The following TRPM3 variants were observed in gnomAD, a reference collection of about 807,000 sequenced individuals.
TRPM3 encodes the protein transient receptor potential cation channel subfamily M member 3.
A neutral mutation model predicts 181.2 loss-of-function variants in TRPM3; 77 were observed. The ratio of observed to expected loss-of-function variants is 0.42; its 90% CI spans 0.35 to 0.51. TRPM3 has a LOEUF of 0.51. Ranked by LOEUF, TRPM3 falls within the 20% of genes least tolerant of loss-of-function variation. The pLI, the probability that TRPM3 is intolerant of heterozygous loss-of-function variation, is 0.01. For missense variants in TRPM3, 1,759 were observed against 2,196.7 expected, an observed-to-expected ratio of 0.80 and a Z score of 3.98; for synonymous variants, 745 against 796.4, an observed-to-expected ratio of 0.94 and a Z score of 1.09.
At chr9:70,835,603 G>A (rs2094264796) in intron 5 of TRPM3, among the ~76,000 whole-genome samples, 1 of 151,852 alleles carries the variant, frequency 6.6e-6, no homozygotes, top group Admixed American at 6.6e-5. Flanking sequence ...TCTCCATGTG[G>A]CAGGTGATCC....
Position 70,744,157 on chromosome 9 carries a change from G to A in TRPM3, c.1272+17444C>T, listed in dbSNP as rs149713573. Among the ~76,000 whole-genome samples, 230 of 151,840 alleles carry A rather than the reference G, an allele frequency of 1.5e-3. 2 individuals are homozygous for A. The highest frequency in any genetic ancestry group is 4.6e-3 in the African/African-American group (190 of 41,418). On this transcript the variant is annotated intron_variant, in intron 8 of 25. Coordinates refer to ENST00000677713, the MANE Select transcript of TRPM3 (RefSeq NM_001366145.2). ...AGCCTGGACAACATGGTGAAACCCC[G>A]TCTCTACTAAAAATACAAAAATGAG... is the stretch of plus-strand genomic sequence containing the variant.
chr9:70,590,315 A>G (rs1443970805), intron 22 of TRPM3, among the ~76,000 whole-genome samples: 1 of 152,184 alleles, frequency 6.6e-6, no homozygotes. Context: ...TGTTTATTAC[A>G]GAGAATCGGC....
intron 1 of TRPM3, chr9:70,869,189 G>T: frequency 3.2e-6 from 1 of 315,804 alleles, no homozygotes; most frequent in Non-Finnish European, 4.6e-6. Context: ...CTTGGAATGT[G>T]CTGCTTCGGG....
intron 22 of TRPM3, among the ~76,000 whole-genome samples, chr9:70,582,581 T>C (rs1305512268): frequency 6.6e-6 from 1 of 152,200 alleles, no homozygotes; most frequent in East Asian, 1.9e-4. Flanking sequence ...TCTAATTCAG[T>C]GGCCACTAGC....
chr9:70,835,774 A>G (rs2094280084), intron 5 of TRPM3, among the ~76,000 whole-genome samples: 1 of 152,158 alleles, frequency 6.6e-6, no homozygotes, highest in African/African-American at 2.4e-5. Flanking sequence ...CAATGAAAAT[A>G]TGATCTCAAG....
At position 70,857,427 on chromosome 9, in the gene TRPM3, G is replaced by T. The variant is rs192417478; in HGVS notation, c.462+5481C>A. 3.3e-5 allele frequency among the ~76,000 whole-genome samples: 5 copies of T among 152,256 alleles called. No individual in the cohort carries two copies. In the East Asian group the frequency reaches 9.7e-4, roughly 29 times the overall value. ...ACAGAAAATGGTTCTGTGAACCTAGGATGTAAGTTTACGAAGACCCCTTCC... is the reference window on the plus strand; with the variant it reads ...ACAGAAAATGGTTCTGTGAACCTAGTATGTAAGTTTACGAAGACCCCTTCC... On this transcript the variant is annotated intron_variant, in intron 3 of 25. Coordinates refer to ENST00000677713, the MANE Select transcript of TRPM3 (RefSeq NM_001366145.2).
chr9:71,358,726 A>G (rs1423738982), intron 1 of TRPM3, among the ~76,000 whole-genome samples: 1 of 152,194 alleles, frequency 6.6e-6, no homozygotes. Context: ...GGAGTCAACA[A>G]AAGTTTTAAA....
intron 6 of TRPM3, chr9:70,809,894 C>T: frequency 1.9e-6 from 1 of 516,672 alleles, no homozygotes. Flanking sequence ...TCTTATGGGA[C>T]AGTTATGGGC....
intron 20 of TRPM3, 141 bp downstream of exon 20, chr9:70,603,201 A>G: frequency 1.0e-6 from 1 of 994,500 alleles, no homozygotes; most frequent in South Asian, 1.7e-5. Context: ...TTGTCAGAGG[A>G]GCAAAGAAGC....
At chr9:71,156,133 G>C (rs1392072386) in intron 1 of TRPM3, among the ~76,000 whole-genome samples, 1 of 151,910 alleles carries the variant, frequency 6.6e-6, no homozygotes, top group East Asian at 1.9e-4. Context: ...ACTCTGTTGG[G>C]GTTCTTTGAC....
At chr9:71,352,065 C>T (rs939868748) in intron 1 of TRPM3, among the ~76,000 whole-genome samples, 4 of 151,806 alleles carry the variant, frequency 2.6e-5, no homozygotes, top group South Asian at 2.1e-4. Context: ...TTAGTAAAGG[C>T]GGGGTTTCAC....
At chr9:71,214,497 A>G (rs1245381501) in intron 1 of TRPM3, among the ~76,000 whole-genome samples, 2 of 152,216 alleles carry the variant, frequency 1.3e-5, no homozygotes, top group Non-Finnish European at 2.9e-5. Context: ...AAACAATCCA[A>G]GTGCTGACCA....
At chr9:71,404,691 A>G (rs1273082497) in intron 1 of TRPM3, among the ~76,000 whole-genome samples, 3 of 152,164 alleles carry the variant, frequency 2.0e-5, no homozygotes, top group African/African-American at 7.2e-5. Flanking sequence ...TGGTCTGCTT[A>G]CATCATCCAA....
rs2060767400 is a variant in TRPM3, at chr9:71,057,190, A to AT, written c.177+63987dup. 2.0e-5 allele frequency among the ~76,000 whole-genome samples: 3 copies of AT among 151,916 alleles called. No homozygotes were observed. The South Asian group carries it at 6.3e-4, about 32-fold the overall frequency. On this transcript the variant is annotated intron_variant, in intron 1 of 25. Coordinates refer to ENST00000677713, the MANE Select transcript of TRPM3 (RefSeq NM_001366145.2). ...CACTTGCCCAGGGGATCCTATGGTC[A>AT]TTTTTTCCCTTTCCTCTGAAGGGCC...
chr9:70,637,340 T>C lies in TRPM3; in HGVS notation c.1581+1720A>G, dbSNP rs147820918. On this transcript the variant is annotated intron_variant, in intron 11 of 25. Transcript: ENST00000677713. Reference sequence around the variant, plus strand: ...TGCCAATTAGTGTTAGCTATTATTATTACTGAGGCTATTTACTGTTCCATA... The same window carrying C: ...TGCCAATTAGTGTTAGCTATTATTACTACTGAGGCTATTTACTGTTCCATA... 1.3e-3 allele frequency among the ~76,000 whole-genome samples: 199 copies of C among 152,300 alleles called. 1 individual carries two copies. The highest frequency in any genetic ancestry group is 4.7e-3 in the African/African-American group (195 of 41,554).
intron 7 of TRPM3, chr9:70,774,964 G>A (rs1293647640): frequency 2.6e-5 from 4 of 152,188 alleles, no homozygotes; most frequent in Non-Finnish European, 5.9e-5. Context: ...GACTGAAGAA[G>A]CTTTTATAGC....
intron 8 of TRPM3, among the ~76,000 whole-genome samples, chr9:70,759,351 G>A (rs2077670354): frequency 6.6e-6 from 1 of 152,370 alleles, no homozygotes; most frequent in African/African-American, 2.4e-5. Context: ...TGGAGAGGAT[G>A]TGGAGAAATA....
intron 1 of TRPM3, among the ~76,000 whole-genome samples, chr9:70,954,827 C>T (rs1003819164): frequency 6.6e-6 from 1 of 152,070 alleles, no homozygotes; most frequent in Non-Finnish European, 1.5e-5. Flanking sequence ...TCCTGGGGTC[C>T]CTTGCCAGCT....
At chr9:70,959,477 C>G (rs897106302) in intron 1 of TRPM3, among the ~76,000 whole-genome samples, 26 of 151,202 alleles carry the variant, frequency 1.7e-4, no homozygotes, top group Non-Finnish European at 3.5e-4. Flanking sequence ...GGAAAAAGCA[C>G]CAAAAAAGAA....
Sources: gnomAD v4.1 joint callset for allele counts (sites outside exome capture counted in the v4.1 genomes callset) on GRCh38, gnomAD v4.1.1 for gene constraint, MANE v1.5 for transcripts, NCBI Gene and HGNC (gene_info 2026-07-23, HGNC 2026-07-21) for gene names.